The following DRAM2 variants were observed in gnomAD, a reference collection of about 807,000 sequenced individuals.
The protein encoded by DRAM2 is DNA damage regulated autophagy modulator 2.
A neutral mutation model predicts 33.5 loss-of-function variants in DRAM2; 26 were observed. The observed-to-expected ratio is 0.78, with a 90% CI of 0.57 to 1.08. DRAM2 has a LOEUF of 1.08. Ranked by LOEUF, DRAM2 falls within the 50% of genes least tolerant of loss-of-function variation. DRAM2 has a pLI of 0.00. For missense variants in DRAM2, 311 were observed against 318.1 expected, an observed-to-expected ratio of 0.98 and a Z score of 0.17; for synonymous variants, 98 against 109.5, an observed-to-expected ratio of 0.89 and a Z score of 0.66.
chr1:111,118,957 A>G, intron 8 of DRAM2, 60 bp from the exon 9 acceptor site: 1 of 1,130,820 alleles, frequency 8.8e-7, no homozygotes, highest in East Asian at 3.0e-5. Flanking sequence ...TCTATATACT[A>G]TGTTTCAAAT....
chr1:111,121,826 GGA>G (rs1234668137), intron 6 of DRAM2, among the ~76,000 whole-genome samples: 1 of 152,008 alleles, frequency 6.6e-6, no homozygotes, highest in Non-Finnish European at 1.5e-5. Context: ...GCTAGGTGCT[GGA>G]GATACAATGG....
At position 111,120,558 on chromosome 1, in the gene DRAM2, T is replaced by G. The variant is rs1649848084; in HGVS notation, c.475A>C (p.Arg159=). 1.9e-6 allele frequency: 3 copies of G among 1,612,166 alleles called. No homozygotes were observed. Among genetic ancestry groups the G allele is most frequent in the Non-Finnish European group, 2.5e-6 (3 of 1,178,930 alleles). The part of the protein sequence containing the change: ...KIHGKQVFWI[R]LLLVIWCGVS... ...CCACACCAGATAACCAACAACAGTCTGATCCAGAAGACTTGTTTGCCATGG... is the reference window on the plus strand; with the variant it reads ...CCACACCAGATAACCAACAACAGTCGGATCCAGAAGACTTGTTTGCCATGG... The change falls in exon 7 of 10, where the codon AGA becomes CGA. Residue 159 remains arginine (R), a synonymous_variant. Coordinates refer to ENST00000484310, the MANE Select transcript of DRAM2 (RefSeq NM_001349884.2).
intron 5 of DRAM2, 98 bp from the exon 6 acceptor site, chr1:111,124,979 C>A: frequency 8.4e-6 from 8 of 955,468 alleles, no homozygotes; most frequent in Admixed American, 3.0e-5. Flanking sequence ...TCCAGAATCA[C>A]AGATTTTCCT....
At chr1:111,139,202 T>C (rs1323630998) in intron 2 of DRAM2, 2 of 152,232 alleles carry the variant, frequency 1.3e-5, no homozygotes, top group Non-Finnish European at 2.9e-5. Flanking sequence ...AATCCGATAA[T>C]GCAATGCAAA....
rs543044547 is a variant in DRAM2, at chr1:111,124,934, A to T, written c.200-53T>A. On this transcript the variant is annotated intron_variant, in intron 5 of 9. Transcript: ENST00000484310. ...AAAGTAATAAATAATCAAGAAATAA[A>T]GTTGCCAATGAAGAGTTCACAAAGG... 10 of 1,564,794 alleles carry T rather than the reference A, an allele frequency of 6.4e-6. No homozygotes were observed. The East Asian group carries it at 2.3e-4, about 36-fold the overall frequency.
chr1:111,138,187 G>C (rs1052135875), intron 2 of DRAM2, among the ~76,000 whole-genome samples: 3 of 152,134 alleles, frequency 2.0e-5, no homozygotes, highest in Non-Finnish European at 4.4e-5. Flanking sequence ...TTCTATGTAC[G>C]AATTATCTTG....
At chr1:111,135,287 T>C (rs766842246) in intron 3 of DRAM2, among the ~76,000 whole-genome samples, 2 of 152,240 alleles carry the variant, frequency 1.3e-5, no homozygotes, top group Admixed American at 6.5e-5. Context: ...CATTGAAGCA[T>C]GTGCCTGGGA....
At chr1:111,122,877 A>G (rs1650306846) in intron 6 of DRAM2, among the ~76,000 whole-genome samples, 1 of 152,188 alleles carries the variant, frequency 6.6e-6, no homozygotes, top group Non-Finnish European at 1.5e-5. Context: ...ACTCTTGTGA[A>G]GGTAAATTAG....
At chr1:111,131,986 G>C (rs1201512947) in intron 3 of DRAM2, among the ~76,000 whole-genome samples, 2 of 152,158 alleles carry the variant, frequency 1.3e-5, no homozygotes, top group Non-Finnish European at 2.9e-5. Flanking sequence ...CTGGCAAAAA[G>C]CTCTTAAAAC....
chr1:111,128,134 CT>C (rs35509678), intron 4 of DRAM2: 1,058 of 102,300 alleles, frequency 0.01, 9 homozygotes, highest in East Asian at 0.065. Context: ...TTCTTCGTTT[CT>C]TTTTTTTTTT....
rs1369954809 is a variant in DRAM2 at position 111,118,803 on chromosome 1, A to G, written c.693+2T>C. ...AATAAATCTAATATTGTGCCTTCTT[A>G]CCTGAAAATCACGAATGTAAGTCAG... On this transcript the variant is annotated splice_donor_variant, in intron 9 of 9. Coordinates refer to ENST00000484310, the MANE Select transcript of DRAM2 (RefSeq NM_001349884.2). LOFTEE classifies it high-confidence loss of function. 6.2e-7 allele frequency: 1 copy of G among 1,600,210 alleles called. No homozygotes were observed. Among genetic ancestry groups the G allele is most frequent in the Admixed American group, 1.7e-5 (1 of 59,282 alleles).
intron 3 of DRAM2, among the ~76,000 whole-genome samples, chr1:111,137,151 G>A (rs1473303936): frequency 2.0e-5 from 3 of 151,510 alleles, no homozygotes; most frequent in South Asian, 2.1e-4. Flanking sequence ...TACTCGGGAC[G>A]CTGAGGCAGG....
chr1:111,118,546 T>A, intron 9 of DRAM2: 1 of 488,886 alleles, frequency 2.0e-6, no homozygotes, highest in Non-Finnish European at 3.6e-6. Flanking sequence ...ACAGAATCGA[T>A]AACAAATTCT....
chr1:111,128,134 CTTTTTTTTTTTT>C (rs35509678), intron 4 of DRAM2: 2 of 102,304 alleles, frequency 2.0e-5, no homozygotes, highest in East Asian at 2.8e-4. Flanking sequence ...TTCTTCGTTT[CTTTTTTTTTTTT>C]TTTTTTTTTT....
In DRAM2 at chr1:111,120,646, A is replaced by G. The variant is rs746589250; in HGVS notation, c.387T>C (p.Phe129=). ...CAAACATATATAATGAGCCCATACC[A>G]AAGGTAAGCACAGCTCCACTTACAT... ...AAHVSGAVLT[F]GMGSLYMFVQ... Residue 129 remains phenylalanine, a synonymous_variant, in exon 7 of 10, where the codon TTT becomes TTC. Coordinates refer to ENST00000484310, the MANE Select transcript of DRAM2 (RefSeq NM_001349884.2). The G allele has an allele frequency of 7.2e-5, 116 of 1,607,026 alleles. No individual in the cohort carries two copies. The highest frequency in any genetic ancestry group is 3.3e-4 in the Middle Eastern group (2 of 6,048).
At chr1:111,119,471 A>T (rs1649544392) in intron 8 of DRAM2, 1 of 163,542 alleles carries the variant, frequency 6.1e-6, no homozygotes, top group African/African-American at 2.4e-5. Flanking sequence ...CTACATTCAG[A>T]TATCCACTAT....
intron 3 of DRAM2, among the ~76,000 whole-genome samples, chr1:111,136,847 G>A (rs1243268957): frequency 6.6e-6 from 1 of 151,830 alleles, no homozygotes; most frequent in Non-Finnish European, 1.5e-5. Context: ...GATGGCAGGC[G>A]CCTGTAGTCT....
intron 3 of DRAM2, among the ~76,000 whole-genome samples, chr1:111,132,783 G>A (rs1168420862): frequency 1.3e-5 from 2 of 151,078 alleles, no homozygotes; most frequent in Non-Finnish European, 2.9e-5. Flanking sequence ...CCTGGCTCAA[G>A]TGATCCTCCC....
Position 111,135,547 on chromosome 1 carries a change from T to C in DRAM2, c.-15+1976A>G, listed in dbSNP as rs1345094466. On this transcript the variant is annotated intron_variant, in intron 3 of 9. Transcript: ENST00000484310. ...GTAATTTATTCAGCATTTAGGTGTA[T>C]TGGTAAAAGAGATTTTCAAATATTT... 3.3e-5 allele frequency among the ~76,000 whole-genome samples: 5 copies of C among 152,260 alleles called. No individual in the cohort carries two copies. In the East Asian group the frequency reaches 9.6e-4, roughly 29 times the overall value.
Sources: gnomAD v4.1 joint callset for allele counts (sites outside exome capture counted in the v4.1 genomes callset) on GRCh38, gnomAD v4.1.1 for gene constraint, MANE v1.5 for transcripts, NCBI Gene and HGNC (gene_info 2026-07-23, HGNC 2026-07-21) for gene names.